The following SLC39A8 variants were observed in gnomAD, a reference collection of about 807,000 sequenced individuals.
SLC39A8 encodes solute carrier family 39 member 8, also known as metal cation symporter ZIP8.
A neutral mutation model predicts 40.4 loss-of-function variants in SLC39A8; 15 were observed. The ratio of observed to expected loss-of-function variants is 0.37; its 90% CI spans 0.25 to 0.57. The LOEUF is 0.57. Among genes scored for constraint, SLC39A8 ranks in the 20% least tolerant of loss-of-function variants. SLC39A8 has a pLI of 0.75. For missense variants in SLC39A8, 472 were observed against 558.8 expected (o/e 0.84, Z 1.57); for synonymous variants, 223 against 221.6 (o/e 1.01, Z -0.06).
At chr4:102,253,519 T>G in intron 11 of SLC39A8, 1 of 604,922 alleles carries the variant, frequency 1.7e-6, no homozygotes, top group South Asian at 2.2e-5. Context: ...AGTTGTTAGC[T>G]TTTCTCCTTT....
At chr4:102,281,238 G>C (rs1218897896) in intron 6 of SLC39A8, among the ~76,000 whole-genome samples, 1 of 152,154 alleles carries the variant, frequency 6.6e-6, no homozygotes, top group Admixed American at 6.5e-5. Flanking sequence ...ATGTAAGTTG[G>C]AGAAATCAGT....
chr4:102,266,426 A>C (rs1228945286), intron 8 of SLC39A8, among the ~76,000 whole-genome samples: 1 of 152,200 alleles, frequency 6.6e-6, no homozygotes, highest in Non-Finnish European at 1.5e-5. Context: ...AGACAAATAT[A>C]ATTTGGAGGT....
At chr4:102,307,742 T>A in intron 3 of SLC39A8, 137 bp from the exon 4 acceptor site, 1 of 790,538 alleles carries the variant, frequency 1.3e-6, no homozygotes, top group East Asian at 2.6e-5. Flanking sequence ...ATCTACTCAA[T>A]GAAAAGTATA....
At chr4:102,268,149 A>G in intron 6 of SLC39A8, 70 bp from the exon 7 acceptor site, 1 of 1,532,028 alleles carries the variant, frequency 6.5e-7, no homozygotes, top group Non-Finnish European at 9.0e-7. Context: ...CAAGTTGGAG[A>G]TGGGTTGTGC....
intron 2 of SLC39A8, among the ~76,000 whole-genome samples, chr4:102,332,726 T>C (rs1204936807): frequency 6.6e-6 from 1 of 152,252 alleles, no homozygotes; most frequent in Non-Finnish European, 1.5e-5. Flanking sequence ...CATATGTTTA[T>C]TGCAGCACTT....
At chr4:102,328,018 A>G (rs1489961708) in intron 2 of SLC39A8, among the ~76,000 whole-genome samples, 2 of 152,234 alleles carry the variant, frequency 1.3e-5, no homozygotes, top group Non-Finnish European at 2.9e-5. Flanking sequence ...GTAATGGGCT[A>G]CAGAGAAAAT....
At chr4:102,274,102 G>C (rs746809058) in intron 6 of SLC39A8, among the ~76,000 whole-genome samples, 1 of 152,138 alleles carries the variant, frequency 6.6e-6, no homozygotes, top group Non-Finnish European at 1.5e-5. Flanking sequence ...GAATAAGTTT[G>C]ACAAATTGAC....
At chr4:102,288,847 G>A (rs1441417939) in intron 6 of SLC39A8, among the ~76,000 whole-genome samples, 2 of 152,138 alleles carry the variant, frequency 1.3e-5, no homozygotes, top group African/African-American at 4.8e-5. Context: ...TGGTTCATTG[G>A]GTTTAAGAAA....
In SLC39A8 at chr4:102,304,341, A is replaced by T; in HGVS notation, c.816T>A (p.Asp272Glu). The change falls in exon 6 of 9, where the codon GAT becomes GAA. Residue 272 changes from aspartate to glutamate, a missense_variant. Asp to Glu is a conservative substitution (Grantham distance 45). Around this residue, in one of 4 missense-constraint regions of SLC39A8, gnomAD observed 239 missense variants for 317.9 expected, o/e 0.75. Coordinates refer to ENST00000356736, the MANE Select transcript of SLC39A8 (RefSeq NM_001135146.2). ...CCTGTAGAGATACCACACTGACATT[A>T]TCAAAATGGATATGTCCATTAGCTT... ...VTEANGHIHFDNVSVVSLQDG... is the reference protein window; with the variant it reads ...VTEANGHIHFENVSVVSLQDG... The T allele has an allele frequency of 6.2e-7, 1 of 1,611,160 alleles. No homozygotes were observed. Among genetic ancestry groups the T allele is most frequent in the Non-Finnish European group, 8.5e-7 (1 of 1,178,012 alleles).
chr4:102,342,381 C>T (rs932390508), intron 2 of SLC39A8, among the ~76,000 whole-genome samples: 7 of 152,158 alleles, frequency 4.6e-5, no homozygotes, highest in African/African-American at 1.7e-4. Context: ...CGCCTGTAAT[C>T]CCAGCTACCT....
At chr4:102,341,015 G>C (rs973793850) in intron 2 of SLC39A8, among the ~76,000 whole-genome samples, 11 of 152,218 alleles carry the variant, frequency 7.2e-5, no homozygotes, top group African/African-American at 2.7e-4. Context: ...TGGAGAGGTA[G>C]GTTGACACAG....
At chr4:102,275,700 T>A (rs9991152) in intron 6 of SLC39A8, among the ~76,000 whole-genome samples, 1 of 152,092 alleles carries the variant, frequency 6.6e-6, no homozygotes, top group African/African-American at 2.4e-5. Flanking sequence ...CAGCACCACA[T>A]AGCACTTATT....
Position 102,263,043 on chromosome 4 carries a change from A to G in SLC39A8, c.*1T>C, listed in dbSNP as rs774150216. ...TTAACAACACCATCTTCCATTTTCT[A>G]TTACTCCAATTCGATTTCTCCTGCA... On this transcript the variant is annotated 3_prime_UTR_variant, in exon 9 of 9. Coordinates refer to ENST00000356736, the MANE Select transcript of SLC39A8 (RefSeq NM_001135146.2). The G allele has an allele frequency of 5.0e-6, 8 of 1,603,456 alleles. No individual in the cohort carries two copies. The highest frequency in any genetic ancestry group is 4.0e-5 in the African/African-American group (3 of 74,768).
intron 6 of SLC39A8, among the ~76,000 whole-genome samples, chr4:102,271,937 G>A (rs1732380568): frequency 1.3e-5 from 2 of 152,140 alleles, no homozygotes; most frequent in African/African-American, 4.8e-5. Context: ...CAAGCCAAGA[G>A]ATAACACCCT....
intron 8 of SLC39A8, among the ~76,000 whole-genome samples, chr4:102,264,644 G>T (rs1300286769): frequency 1.3e-5 from 2 of 152,176 alleles, no homozygotes; most frequent in African/African-American, 4.8e-5. Flanking sequence ...AGTCCTGGAT[G>T]GCATGTTCTT....
At chr4:102,304,888 C>G in intron 5 of SLC39A8, 101 bp downstream of exon 5, 1 of 1,024,786 alleles carries the variant, frequency 9.8e-7, no homozygotes, top group Non-Finnish European at 1.4e-6. Flanking sequence ...AATAACTGGA[C>G]CATTCTCATA....
chr4:102,267,907 A>G lies in SLC39A8; in HGVS notation c.1013T>C (p.Ile338Thr), dbSNP rs1351789252. The change falls in exon 7 of 9, where the codon ATA becomes ACA. Residue 338 changes from isoleucine to threonine, a missense_variant. Coordinates refer to ENST00000356736, the MANE Select transcript of SLC39A8 (RefSeq NM_001135146.2). ...GGGAAACTCCTCACATAGGATTGCT[A>G]TGGAAGTACTGAGTCCCTGAAGGAG... ...LSLLQGLSTS[I>T]AILCEEFPHE... is the part of the protein sequence containing the mutation. 1.2e-5 allele frequency: 20 copies of G among 1,614,188 alleles called. No homozygotes were observed. Among genetic ancestry groups the G allele is most frequent in the South Asian group, 3.3e-5 (3 of 91,076 alleles).
chr4:102,279,966 T>A (rs1043580917), intron 6 of SLC39A8, among the ~76,000 whole-genome samples: 4 of 152,160 alleles, frequency 2.6e-5, no homozygotes, highest in African/African-American at 9.7e-5. Context: ...TCTTTCCCCA[T>A]AAGACCTGCA....
At chr4:102,330,067 G>A (rs112985648) in intron 2 of SLC39A8, among the ~76,000 whole-genome samples, 3,031 of 152,168 alleles carry the variant, frequency 0.02, 100 homozygotes, top group African/African-American at 0.069. Context: ...AGGAGAAAGC[G>A]AAAAAGATCT....
Sources: gnomAD v4.1 joint callset for allele counts (sites outside exome capture counted in the v4.1 genomes callset) on GRCh38, gnomAD v4.1.1 for gene constraint, gnomAD v4.1.1 regional missense constraint, MANE v1.5 for transcripts, NCBI Gene and HGNC (gene_info 2026-07-23, HGNC 2026-07-21) for gene names.